Variants in DNM3 observed in about 807,000 individuals in gnomAD.
The protein encoded by DNM3 is dynamin 3, also known as dynamin-3.
In DNM3, 47 loss-of-function variants were observed where a neutral mutation model predicts 101.6. The observed-to-expected ratio is 0.46, with a 90% confidence interval of 0.37 to 0.59. DNM3 has a LOEUF of 0.59. DNM3 is among the 20% of genes least tolerant of loss of function. DNM3 has a pLI of 0.00. For missense variants in DNM3, 849 were observed against 1,085.7 expected, an observed-to-expected ratio of 0.78 and a Z score of 3.06; for synonymous variants, 385 against 387.9, an observed-to-expected ratio of 0.99 and a Z score of 0.09.
At chr1:172,118,673 G>A (rs1002614671) in intron 13 of DNM3, among the ~76,000 whole-genome samples, 25 of 151,878 alleles carry the variant, frequency 1.6e-4, no homozygotes, top group African/African-American at 5.1e-4. Context: ...TCACCCACCC[G>A]TTCCACTCTC....
At chr1:172,076,260 A>G (rs1553364706) in intron 11 of DNM3, among the ~76,000 whole-genome samples, 3 of 152,226 alleles carry the variant, frequency 2.0e-5, no homozygotes, top group Non-Finnish European at 4.4e-5. Flanking sequence ...GTCATCTGCA[A>G]AGAGAGACAA....
intron 17 of DNM3, among the ~76,000 whole-genome samples, chr1:172,377,529 T>C (rs1367807280): frequency 1.4e-5 from 2 of 142,564 alleles, no homozygotes; most frequent in Non-Finnish European, 3.0e-5. Context: ...CTGTAGGTCA[T>C]CATCTGCTCT....
At chr1:172,255,279 T>G (rs116521847) in intron 15 of DNM3, among the ~76,000 whole-genome samples, 244 of 152,194 alleles carry the variant, frequency 1.6e-3, no homozygotes, top group African/African-American at 5.4e-3. Flanking sequence ...CTAGAGAGAA[T>G]AGTAGTGAGT....
At chr1:171,882,916 A>AT (rs1335852690) in intron 1 of DNM3, among the ~76,000 whole-genome samples, 1 of 151,922 alleles carries the variant, frequency 6.6e-6, no homozygotes, top group Non-Finnish European at 1.5e-5. Context: ...ACATACTTCC[A>AT]TTTTTCCTAT....
chr1:172,410,485 T>TTTGA lies in DNM3; in HGVS notation c.*2646_*2649dup. The TTTGA allele has an allele frequency of 1.0e-6, 1 of 983,958 alleles. No homozygotes were observed. The highest frequency in any genetic ancestry group is 1.2e-6 in the Non-Finnish European group (1 of 828,594). 61.0% of individuals were successfully genotyped at this position (983,958 alleles called of 1,614,324 possible). A position where few individuals can be genotyped will look rare whatever the true frequency, so the allele number is the denominator to read the frequency against. Reference sequence around the variant, plus strand: ...TGGGAAAATAAACTGTAAATGTTTATTTGATAGGTAAATATAGTTTTATTG... The same window carrying TTTGA: ...TGGGAAAATAAACTGTAAATGTTTATTTGATTGATAGGTAAATATAGTTTTATTG... On this transcript the variant is annotated 3_prime_UTR_variant, in exon 21 of 21. Transcript: ENST00000627582.
intron 10 of DNM3, among the ~76,000 whole-genome samples, chr1:172,053,727 T>C (rs56412916): frequency 6.6e-6 from 1 of 152,328 alleles, no homozygotes; most frequent in African/African-American, 2.4e-5. Context: ...TGATAAAATT[T>C]AGGCAGGTTT....
intron 4 of DNM3, among the ~76,000 whole-genome samples, chr1:172,026,369 T>C (rs958130990): frequency 1.3e-5 from 2 of 152,098 alleles, no homozygotes. Flanking sequence ...TGGAACCAAG[T>C]TGGAAAACAC....
intron 14 of DNM3, among the ~76,000 whole-genome samples, chr1:172,153,582 T>C (rs2058223752): frequency 7.6e-6 from 1 of 131,836 alleles, no homozygotes; most frequent in South Asian, 2.4e-4. Context: ...TTTCCTCCAT[T>C]CAGCACGAAA....
intron 1 of DNM3, among the ~76,000 whole-genome samples, chr1:171,849,235 C>T (rs756831596): frequency 2.5e-4 from 38 of 152,184 alleles, no homozygotes; most frequent in Non-Finnish European, 4.6e-4. Flanking sequence ...GGAGTGCAGG[C>T]TTTGCTGGCA....
intron 20 of DNM3, among the ~76,000 whole-genome samples, chr1:172,389,591 T>A (rs1215125655): frequency 6.6e-6 from 1 of 151,904 alleles, no homozygotes; most frequent in Non-Finnish European, 1.5e-5. Flanking sequence ...AGTACTAAGG[T>A]TTTTTTCCCC....
intron 14 of DNM3, chr1:172,144,876 C>T (rs1045993364): frequency 3.8e-6 from 1 of 265,040 alleles, no homozygotes; most frequent in Admixed American, 4.6e-5. Context: ...GGGATGATGT[C>T]ACCCTGGGGA....
chr1:172,034,717 C>T (rs1304270452), intron 6 of DNM3, among the ~76,000 whole-genome samples: 1 of 151,924 alleles, frequency 6.6e-6, no homozygotes, highest in Admixed American at 6.6e-5. Flanking sequence ...TGTACCAATA[C>T]TTCTGCTCCT....
intron 1 of DNM3, among the ~76,000 whole-genome samples, chr1:171,882,291 C>T (rs1043176418): frequency 2.1e-5 from 3 of 142,906 alleles, no homozygotes; most frequent in Non-Finnish European, 3.0e-5. Context: ...TGCGGTGAGC[C>T]GAGATCGCGC....
intron 4 of DNM3, among the ~76,000 whole-genome samples, chr1:172,015,035 C>CTG (rs3051629): frequency 6.6e-6 from 1 of 151,732 alleles, no homozygotes; most frequent in Non-Finnish European, 1.5e-5. Flanking sequence ...TTTGAAAAAA[C>CTG]TCTTTGCTCC....
At chr1:172,078,186 G>T (rs2052826797) in intron 11 of DNM3, among the ~76,000 whole-genome samples, 1 of 152,076 alleles carries the variant, frequency 6.6e-6, no homozygotes, top group Non-Finnish European at 1.5e-5. Context: ...TCCGCCTCCT[G>T]GGTTCACGCC....
In DNM3 at chr1:172,092,839, C is replaced by G. The variant is rs767005713; in HGVS notation, c.1509C>G (p.Ser503Arg). Residue 503 changes from serine (S) to arginine (R), a missense_variant, in exon 13 of 21, where the codon AGC (serine) becomes AGG (arginine). By Grantham distance (110) the Ser-to-Arg change is moderately radical. Coordinates refer to ENST00000627582, the MANE Select transcript of DNM3 (RefSeq NM_015569.5). ...FIGFANAQQRSSQVHKKTTVG... is the reference protein window; with the variant it reads ...FIGFANAQQRRSQVHKKTTVG... ...CTTTTCTCAGTGCTCAGCAGAGGAG[C>G]AGTCAGGTTCACAAGAAAACCACAG... is the stretch of plus-strand genomic sequence containing the variant. The G allele has an allele frequency of 6.4e-7, 1 of 1,559,012 alleles. No individual in the cohort carries two copies. The highest frequency in any genetic ancestry group is 1.2e-5 in the South Asian group (1 of 84,386).
chr1:171,942,087 A>G (rs1216137756), intron 2 of DNM3, among the ~76,000 whole-genome samples: 3 of 152,102 alleles, frequency 2.0e-5, no homozygotes, highest in Non-Finnish European at 4.4e-5. Context: ...AATGATTCAC[A>G]AGACTAGTAC....
At chr1:172,222,290 T>A (rs930948111) in intron 14 of DNM3, among the ~76,000 whole-genome samples, 1 of 152,218 alleles carries the variant, frequency 6.6e-6, no homozygotes, top group Non-Finnish European at 1.5e-5. Context: ...TCCAAGCTCT[T>A]GCTTTTCTCC....
intron 17 of DNM3, among the ~76,000 whole-genome samples, chr1:172,354,198 G>A (rs1018287848): frequency 2.7e-5 from 4 of 150,418 alleles, no homozygotes; most frequent in Non-Finnish European, 5.9e-5. Context: ...AGGACAAAAT[G>A]TTGTAGAAAA....
Sources: gnomAD v4.1 joint callset for allele counts (sites outside exome capture counted in the v4.1 genomes callset) on GRCh38, gnomAD v4.1.1 for gene constraint, MANE v1.5 for transcripts, NCBI Gene and HGNC (gene_info 2026-07-23, HGNC 2026-07-21) for gene names.